Variants in FAM135B observed in about 807,000 individuals in gnomAD.
The protein encoded by FAM135B is protein FAM135B.
Under a neutral mutation model 127.7 loss-of-function variants are expected in FAM135B, and 43 were observed. The observed-to-expected ratio is 0.34, with a 90% CI of 0.26 to 0.43. The LOEUF (loss-of-function observed/expected upper bound fraction) is 0.43. Among genes scored for constraint, FAM135B ranks in the 20% least tolerant of loss-of-function variants. The probability of loss-of-function intolerance (pLI) is 1.00; values close to 1 mark genes in which losing one functional copy is unlikely to be tolerated. For synonymous variants in FAM135B, 670 were observed against 665.1 expected (o/e 1.01, Z -0.11); for missense variants, 1,558 against 1,725.6 (o/e 0.90, Z 1.72).
In FAM135B at chr8:138,433,523, CAATAAATAAATAAATA is replaced by C. The variant is rs144218276; in HGVS notation, c.-20+63132_-20+63147del. Among the ~76,000 whole-genome samples, 249 of 140,722 alleles carry C rather than the reference CAATAAATAAATAAATA, an allele frequency of 1.8e-3. 1 individual carries two copies. Among genetic ancestry groups the C allele is most frequent in the Middle Eastern group, 7.5e-3 (2 of 268 alleles). The allele number at this position is 140,722 out of a possible 152,430, so 92.3% of individuals were successfully genotyped here. On this transcript the variant is annotated intron_variant, in intron 1 of 19. Coordinates refer to ENST00000395297, the MANE Select transcript of FAM135B (RefSeq NM_015912.4). ...TGGATGACAGAGCAAGATTCTGTCT[CAATAAATAAATAAATA>C]AATAAATAAATAAATAAATAAATAA...
intron 1 of FAM135B, among the ~76,000 whole-genome samples, chr8:138,491,024 C>T (rs1394311458): frequency 6.6e-6 from 1 of 151,622 alleles, no homozygotes; most frequent in African/African-American, 2.4e-5. Context: ...GCCTGTAATC[C>T]CGGATACTTG....
intron 7 of FAM135B, among the ~76,000 whole-genome samples, chr8:138,228,817 C>CT (rs5895504): frequency 0.4 from 60,760 of 152,038 alleles, 12,484 homozygotes; most frequent in African/African-American, 0.41. Flanking sequence ...GCCCTGATGC[C>CT]CCCTGGTTCC....
chr8:138,176,134 T>C (rs1309749208), intron 11 of FAM135B, among the ~76,000 whole-genome samples: 2 of 152,250 alleles, frequency 1.3e-5, no homozygotes, highest in Non-Finnish European at 2.9e-5. Context: ...CCATGTAATC[T>C]GAGTGCTGGG....
At chr8:138,492,519 C>A (rs1057481808) in intron 1 of FAM135B, among the ~76,000 whole-genome samples, 3 of 152,064 alleles carry the variant, frequency 2.0e-5, no homozygotes, top group African/African-American at 7.2e-5. Flanking sequence ...CAGGTCTAGA[C>A]CTTTCTGTGA....
chr8:138,319,168 G>A (rs567659231), intron 2 of FAM135B, among the ~76,000 whole-genome samples: 48 of 152,138 alleles, frequency 3.2e-4, no homozygotes, highest in African/African-American at 9.9e-4. Context: ...GTGCAGTGGC[G>A]CAATCTTGGC....
chr8:138,239,770 C>A (rs1453813188), intron 7 of FAM135B, among the ~76,000 whole-genome samples: 1 of 152,124 alleles, frequency 6.6e-6, no homozygotes, highest in Non-Finnish European at 1.5e-5. Context: ...CAATGATAGA[C>A]TGGATTAAGA....
At chr8:138,213,173 G>A (rs1818271609) in intron 7 of FAM135B, among the ~76,000 whole-genome samples, 1 of 152,128 alleles carries the variant, frequency 6.6e-6, no homozygotes, top group African/African-American at 2.4e-5. Flanking sequence ...ATGTGAAAAT[G>A]CTGAATAGAA....
chr8:138,457,670 T>C (rs1052741525), intron 1 of FAM135B, among the ~76,000 whole-genome samples: 4 of 152,172 alleles, frequency 2.6e-5, no homozygotes, highest in Admixed American at 1.3e-4. Context: ...ATCCATTTCA[T>C]ATAAAAAGTA....
At chr8:138,484,253 T>C (rs941254401) in intron 1 of FAM135B, among the ~76,000 whole-genome samples, 1 of 152,200 alleles carries the variant, frequency 6.6e-6, no homozygotes, top group African/African-American at 2.4e-5. Context: ...GCTCTAGTCC[T>C]TTCTCAAGTT....
chr8:138,257,996 C>T (rs934953261), intron 4 of FAM135B, among the ~76,000 whole-genome samples: 3 of 152,096 alleles, frequency 2.0e-5, no homozygotes, highest in African/African-American at 7.2e-5. Context: ...ATTGCTGTCC[C>T]GTCTACCACC....
intron 1 of FAM135B, among the ~76,000 whole-genome samples, chr8:138,409,099 T>C (rs1277328182): frequency 6.6e-6 from 1 of 152,226 alleles, no homozygotes; most frequent in East Asian, 1.9e-4. Context: ...TTGACATGCC[T>C]TCCTCACAAA....
intron 7 of FAM135B, among the ~76,000 whole-genome samples, chr8:138,221,739 G>A (rs944705589): frequency 6.6e-6 from 1 of 152,164 alleles, no homozygotes; most frequent in African/African-American, 2.4e-5. Flanking sequence ...AAGCTGCTCT[G>A]ATCCCACCGA....
intron 1 of FAM135B, among the ~76,000 whole-genome samples, chr8:138,485,709 G>A (rs1215052710): frequency 1.3e-5 from 2 of 152,114 alleles, no homozygotes; most frequent in East Asian, 3.9e-4. Flanking sequence ...TCCACACCAT[G>A]AAACCCATGT....
At chr8:138,211,517 T>C (rs1174029557) in intron 7 of FAM135B, among the ~76,000 whole-genome samples, 1 of 152,226 alleles carries the variant, frequency 6.6e-6, no homozygotes, top group African/African-American at 2.4e-5. Flanking sequence ...TGCATGGTTT[T>C]GGTAGCTGCA....
rs1001078341 is a variant in FAM135B at position 138,130,468 on chromosome 8, T to C, written c.*2125A>G. 4 of 152,150 alleles carry C rather than the reference T, an allele frequency of 2.6e-5. No homozygotes were observed. Among genetic ancestry groups the C allele is most frequent in the Non-Finnish European group, 4.4e-5 (3 of 68,026 alleles). The allele number at this position is 152,150 out of a possible 1,614,324, so 9.4% of individuals were successfully genotyped here. ...GTTCTCACTATGTCCAGACAGCATA[T>C]TGAAGTTAAAAATGGCATCTGGTTA... On this transcript the variant is annotated 3_prime_UTR_variant, in exon 20 of 20. Transcript: ENST00000395297.
intron 1 of FAM135B, among the ~76,000 whole-genome samples, chr8:138,403,843 T>G (rs1325757158): frequency 6.6e-6 from 1 of 152,200 alleles, no homozygotes; most frequent in East Asian, 1.9e-4. Flanking sequence ...CAACTAGATG[T>G]CGGAGGCAAC....
intron 2 of FAM135B, among the ~76,000 whole-genome samples, chr8:138,357,974 G>A (rs1830193674): frequency 6.6e-6 from 1 of 152,016 alleles, no homozygotes; most frequent in Non-Finnish European, 1.5e-5. Context: ...CCCAAGACTG[G>A]GTAATTTAAT....
chr8:138,350,994 G>T (rs1001232742), intron 2 of FAM135B, among the ~76,000 whole-genome samples: 1 of 152,094 alleles, frequency 6.6e-6, no homozygotes, highest in South Asian at 2.1e-4. Context: ...GTTTGCCTGG[G>T]ACTTTCATGG....
chr8:138,231,632 G>C (rs1173125629), intron 7 of FAM135B, among the ~76,000 whole-genome samples: 1 of 152,180 alleles, frequency 6.6e-6, no homozygotes, highest in African/African-American at 2.4e-5. Flanking sequence ...GTGACTCAAA[G>C]TGGACAAAAG....
Sources: gnomAD v4.1 joint callset for allele counts (sites outside exome capture counted in the v4.1 genomes callset) on GRCh38, gnomAD v4.1.1 for gene constraint, MANE v1.5 for transcripts, NCBI Gene and HGNC (gene_info 2026-07-23, HGNC 2026-07-21) for gene names.